The following FBXO40 variants were observed in gnomAD, a reference collection of about 807,000 sequenced individuals.
The protein encoded by FBXO40 is F-box only protein 40.
In FBXO40, 50 loss-of-function variants were observed where a neutral mutation model predicts 49.9. The observed-to-expected ratio is 1.00, with a 90% CI of 0.80 to 1.27. FBXO40 has a LOEUF of 1.27. Among genes scored for constraint, FBXO40 ranks in the 50% most tolerant of loss-of-function variants. The pLI, the probability that FBXO40 is intolerant of heterozygous loss-of-function variation, is 0.00. For synonymous variants in FBXO40, 340 were observed against 320.2 expected (o/e 1.06, Z -0.66); for missense variants, 895 against 870.1 (o/e 1.03, Z -0.36).
intron 1 of FBXO40, among the ~76,000 whole-genome samples, chr3:121,615,476 AC>A (rs2048992311): frequency 6.7e-6 from 1 of 149,242 alleles, no homozygotes; most frequent in Non-Finnish European, 1.5e-5. Context: ...AATCATTTGA[AC>A]CCGGGAGGTG....
chr3:121,599,976 G>GC (rs2108844225), intron 1 of FBXO40, among the ~76,000 whole-genome samples: 1 of 151,430 alleles, frequency 6.6e-6, no homozygotes, highest in Non-Finnish European at 1.5e-5. Context: ...GCCTGCCTCA[G>GC]CCTCCCAAAG....
intron 1 of FBXO40, among the ~76,000 whole-genome samples, chr3:121,607,450 C>T (rs2048938104): frequency 6.6e-6 from 1 of 151,216 alleles, no homozygotes; most frequent in Admixed American, 6.6e-5. Context: ...GCTGAGACTA[C>T]AGGCGCCCAC....
chr3:121,600,368 C>A (rs1013609677), intron 1 of FBXO40, among the ~76,000 whole-genome samples: 1 of 152,178 alleles, frequency 6.6e-6, no homozygotes, highest in South Asian at 2.1e-4. Context: ...AACCCTACAA[C>A]CTTCCCTTTC....
Position 121,628,085 on chromosome 3 carries a change from G to C in FBXO40, c.*1175G>C. 2 of 394,698 alleles carry C rather than the reference G, an allele frequency of 5.1e-6. No individual in the cohort carries two copies. The highest frequency in any genetic ancestry group is 4.4e-6 in the Non-Finnish European group (1 of 224,720). 24.4% of individuals were successfully genotyped at this position (394,698 alleles called of 1,614,324 possible). A position where few individuals can be genotyped will look rare whatever the true frequency, so the allele number is the denominator to read the frequency against. On this transcript the variant is annotated 3_prime_UTR_variant, in exon 4 of 4. Transcript: ENST00000338040. ...AATATTCATAAGAACAAAAGTAAAA[G>C]AAAAAAAGACACAGTAGAAACTGGC...
At chr3:121,623,987 C>CT (rs371355210) in intron 3 of FBXO40, among the ~76,000 whole-genome samples, 12,881 of 95,932 alleles carry the variant, frequency 0.13, 1,364 homozygotes, top group African/African-American at 0.2. Flanking sequence ...TGCACCTGGC[C>CT]TTTTTTTTTT....
chr3:121,624,733 A>G (rs1376896522), intron 3 of FBXO40, among the ~76,000 whole-genome samples: 1 of 152,130 alleles, frequency 6.6e-6, no homozygotes, highest in African/African-American at 2.4e-5. Flanking sequence ...CTCTCTACAC[A>G]AAATTACTCA....
chr3:121,622,529 T>C lies in FBXO40; in HGVS notation c.1100T>C (p.Met367Thr), dbSNP rs754480800. The change falls in exon 3 of 4, where the codon ATG becomes ACG. Residue 367 changes from methionine to threonine, a missense_variant. Met to Thr is a moderately conservative substitution (Grantham distance 81, BLOSUM62 -1). Coordinates refer to ENST00000338040, the MANE Select transcript of FBXO40 (RefSeq NM_016298.4). ...CGKRARLGDA[M>T]LSCKPSEHKA... ...AAGCGAGCTCGACTTGGAGATGCCA[T>C]GTTGAGTTGTAAGCCAAGTGAACAC... is the stretch of plus-strand genomic sequence containing the variant. 46 of 1,614,090 alleles carry C rather than the reference T, an allele frequency of 2.8e-5. No homozygotes were observed. The Admixed American group carries it at 5.3e-4, about 19-fold the overall frequency.
chr3:121,614,631 G>A (rs999852553), intron 1 of FBXO40, among the ~76,000 whole-genome samples: 5 of 152,084 alleles, frequency 3.3e-5, no homozygotes, highest in Admixed American at 2.6e-4. Context: ...GGCCAAATCC[G>A]TTTTCCAAAT....
chr3:121,623,316 A>T lies in FBXO40; in HGVS notation c.1887A>T (p.Gly629=). The T allele has an allele frequency of 1.2e-6, 2 of 1,614,138 alleles. No homozygotes were observed. Among genetic ancestry groups the T allele is most frequent in the Non-Finnish European group, 1.7e-6 (2 of 1,179,970 alleles). Residue 629 remains glycine, a synonymous_variant, in exon 3 of 4, where the codon GGA becomes GGT. Transcript: ENST00000338040. ...LQWKKKRYSH[G]GTSWRVHREI... ...GGAAGAAAAAGAGGTATTCCCATGG[A>T]GGCACCTCCTGGAGAGTCCACAGAG...
At chr3:121,597,534 AT>A (rs2048878424) in intron 1 of FBXO40, among the ~76,000 whole-genome samples, 1 of 152,302 alleles carries the variant, frequency 6.6e-6, no homozygotes, top group Admixed American at 6.5e-5. Flanking sequence ...GTGGGAACAC[AT>A]GAAGGCCTGG....
intron 1 of FBXO40, among the ~76,000 whole-genome samples, chr3:121,615,098 G>C (rs941630105): frequency 4.6e-5 from 7 of 151,858 alleles, no homozygotes; most frequent in Admixed American, 4.6e-4. Context: ...CCAGCTACTC[G>C]GGAGGCTGAG....
intron 1 of FBXO40, among the ~76,000 whole-genome samples, chr3:121,619,094 C>T (rs1170623306): frequency 6.6e-6 from 1 of 151,916 alleles, no homozygotes; most frequent in Non-Finnish European, 1.5e-5. Context: ...CTCTCAGGCT[C>T]AAGCGATCCT....
At chr3:121,602,436 A>C (rs767481404) in intron 1 of FBXO40, among the ~76,000 whole-genome samples, 11 of 152,198 alleles carry the variant, frequency 7.2e-5, no homozygotes, top group Non-Finnish European at 1.3e-4. Context: ...TTTTCTCAAA[A>C]ATTATAGCCA....
At chr3:121,620,673 A>C (rs35295338) in intron 2 of FBXO40, 95 bp downstream of exon 2, 405,553 of 1,470,990 alleles carry the variant, frequency 0.28, 62,251 homozygotes, top group East Asian at 0.56. Context: ...ACTTGCTCTT[A>C]TGGTTTGATG....
intron 1 of FBXO40, among the ~76,000 whole-genome samples, chr3:121,599,867 T>C (rs1381089286): frequency 6.7e-6 from 1 of 150,004 alleles, no homozygotes; most frequent in Non-Finnish European, 1.5e-5. Flanking sequence ...GGATTACAAG[T>C]GTGCACTATC....
Position 121,622,433 on chromosome 3 carries a change from T to C in FBXO40, c.1004T>C (p.Val335Ala). ...PACTPKERDFVYGKLEAQEVK... is the reference protein window; with the variant it reads ...PACTPKERDFAYGKLEAQEVK... ...TGTACACCCAAGGAGAGAGACTTTG[T>C]TTATGGCAAGCTGGAGGCTCAGGAA... is the stretch of plus-strand genomic sequence containing the variant. The change falls in exon 3 of 4, where the codon GTT becomes GCT. Residue 335 changes from valine to alanine, a missense_variant. By Grantham distance (64) the Val-to-Ala change is moderately conservative. Coordinates refer to ENST00000338040, the MANE Select transcript of FBXO40 (RefSeq NM_016298.4). 1 of 1,614,190 alleles carries C rather than the reference T, an allele frequency of 6.2e-7. No homozygotes were observed. The highest frequency in any genetic ancestry group is 8.5e-7 in the Non-Finnish European group (1 of 1,180,034).
At chr3:121,602,711 G>T (rs2048906487) in intron 1 of FBXO40, among the ~76,000 whole-genome samples, 1 of 151,878 alleles carries the variant, frequency 6.6e-6, no homozygotes, top group South Asian at 2.1e-4. Flanking sequence ...GCTCCCTATT[G>T]TGTATCAAAT....
intron 1 of FBXO40, among the ~76,000 whole-genome samples, chr3:121,605,237 G>A (rs963842689): frequency 6.6e-6 from 1 of 152,104 alleles, no homozygotes; most frequent in Non-Finnish European, 1.5e-5. Context: ...ATGCCAGCCT[G>A]GCTGGCTTTT....
At chr3:121,624,859 G>C (rs898967212) in intron 3 of FBXO40, among the ~76,000 whole-genome samples, 1 of 151,872 alleles carries the variant, frequency 6.6e-6, no homozygotes, top group African/African-American at 2.4e-5. Flanking sequence ...CCCTGCTCTC[G>C]TGTCTGTAAA....
Sources: allele counts gnomAD v4.1 joint callset (sites outside exome capture counted in the v4.1 genomes callset), GRCh38; gene constraint gnomAD v4.1.1; transcripts MANE v1.5; gene names NCBI Gene and HGNC (gene_info 2026-07-23, HGNC 2026-07-21).